The following EPM2A variants were observed in gnomAD, a reference collection of about 807,000 sequenced individuals.
EPM2A encodes the protein laforin.
A neutral mutation model predicts 26.5 loss-of-function variants in EPM2A; 21 were observed. The observed-to-expected ratio is 0.79, with a 90% confidence interval of 0.56 to 1.14. EPM2A has a LOEUF of 1.14. EPM2A is among the 50% of genes most tolerant of loss of function. The pLI is 0.00. For missense variants in EPM2A, 458 were observed against 440.8 expected, an observed-to-expected ratio of 1.04 and a Z score of -0.35; for synonymous variants, 217 against 177.6, an observed-to-expected ratio of 1.22 and a Z score of -1.76.
chr6:145,722,016 T>C (rs1001759338), intron 1 of EPM2A, among the ~76,000 whole-genome samples: 1 of 152,178 alleles, frequency 6.6e-6, no homozygotes, highest in Non-Finnish European at 1.5e-5. Context: ...GGAACATGAA[T>C]AAATCATCTA....
At chr6:145,401,754 C>A (rs1283612626) in intron 4 of EPM2A, among the ~76,000 whole-genome samples, 5 of 152,018 alleles carry the variant, frequency 3.3e-5, no homozygotes, top group African/African-American at 1.2e-4. Flanking sequence ...CTTTTTGTGA[C>A]AGAAGGTAAG....
intron 2 of EPM2A, among the ~76,000 whole-genome samples, chr6:145,676,137 C>A (rs1218776533): frequency 2.0e-5 from 3 of 152,170 alleles, no homozygotes; most frequent in Non-Finnish European, 2.9e-5. Context: ...CAAAACCACA[C>A]AACTACATGG....
chr6:145,601,216 G>A (rs553317175), intron 2 of EPM2A, among the ~76,000 whole-genome samples: 1 of 152,202 alleles, frequency 6.6e-6, no homozygotes, highest in East Asian at 1.9e-4. Flanking sequence ...ATAATATAAG[G>A]TATAACCTTT....
rs189192173 is a variant in EPM2A at position 145,513,856 on chromosome 6, A to C, written c.341-11281T>G. The stretch of plus-strand genomic sequence containing the variant: ...ACTCTCTAATGACCTTACTGGATTA[A>C]TTAGAATAGGATGGTCTGTGCTGCA... On this transcript the variant is annotated intron_variant, in intron 2 of 3. Coordinates refer to the EPM2A transcript ENST00000450221. 6.6e-5 allele frequency among the ~76,000 whole-genome samples: 10 copies of C among 152,330 alleles called. No homozygotes were observed. The East Asian group carries it at 1.9e-3, about 29-fold the overall frequency.
At chr6:145,485,754 A>T (rs1263373002) in intron 4 of EPM2A, among the ~76,000 whole-genome samples, 4 of 152,182 alleles carry the variant, frequency 2.6e-5, no homozygotes. Flanking sequence ...TAATTTATAG[A>T]GAAAAAGAGG....
At chr6:145,641,779 G>A (rs1043744650) in intron 2 of EPM2A, among the ~76,000 whole-genome samples, 1 of 151,962 alleles carries the variant, frequency 6.6e-6, no homozygotes, top group Non-Finnish European at 1.5e-5. Context: ...TATCACCTGC[G>A]CACCTCTCAC....
chr6:145,725,830 T>C (rs1483996906), intron 1 of EPM2A, among the ~76,000 whole-genome samples: 1 of 152,076 alleles, frequency 6.6e-6, no homozygotes, highest in Non-Finnish European at 1.5e-5. Flanking sequence ...GAAATGAGAC[T>C]ATCATAATGA....
intron 2 of EPM2A, among the ~76,000 whole-genome samples, chr6:145,605,689 C>G (rs1162516577): frequency 6.6e-6 from 1 of 151,908 alleles, no homozygotes. Context: ...TTTCCAGATA[C>G]AAAAAAGGAA....
chr6:145,616,498 T>TG (rs1775515772), intron 2 of EPM2A, among the ~76,000 whole-genome samples: 1 of 152,208 alleles, frequency 6.6e-6, no homozygotes, highest in African/African-American at 2.4e-5. Flanking sequence ...GAGTCCCTAC[T>TG]GGGGCACTGC....
chr6:145,596,686 AC>A (rs1293442670), intron 2 of EPM2A, among the ~76,000 whole-genome samples: 4 of 151,758 alleles, frequency 2.6e-5, no homozygotes, highest in Non-Finnish European at 5.9e-5. Flanking sequence ...TTTTGTAAAA[AC>A]ATCTCTCCAT....
chr6:145,519,011 T>G (rs747728653), intron 2 of EPM2A, among the ~76,000 whole-genome samples: 2 of 152,200 alleles, frequency 1.3e-5, no homozygotes, highest in African/African-American at 2.4e-5. Flanking sequence ...GTTCCAAATC[T>G]CCCACACTCT....
chr6:145,413,226 G>A (rs1341298411), intron 4 of EPM2A, among the ~76,000 whole-genome samples: 2 of 152,186 alleles, frequency 1.3e-5, no homozygotes, highest in African/African-American at 2.4e-5. Flanking sequence ...CTTGAAAGTC[G>A]TGGAGAAACT....
intron 2 of EPM2A, among the ~76,000 whole-genome samples, chr6:145,539,712 A>G (rs1191123853): frequency 6.6e-6 from 1 of 152,214 alleles, no homozygotes; most frequent in Non-Finnish European, 1.5e-5. Flanking sequence ...GTCAAACTTA[A>G]TTGTATTAAC....
intron 2 of EPM2A, among the ~76,000 whole-genome samples, chr6:145,536,217 T>C (rs1482667118): frequency 4.6e-5 from 7 of 152,144 alleles, no homozygotes; most frequent in Non-Finnish European, 1.0e-4. Context: ...AGAAGTTTGA[T>C]AGTTTGATTG....
chr6:145,634,845 A>G (rs1210754330), intron 3 of EPM2A, among the ~76,000 whole-genome samples: 1 of 152,188 alleles, frequency 6.6e-6, no homozygotes, highest in Non-Finnish European at 1.5e-5. Flanking sequence ...ATAATCTCAT[A>G]GCAATATCTA....
intron 2 of EPM2A, among the ~76,000 whole-genome samples, chr6:145,662,378 T>C (rs1778783603): frequency 6.6e-6 from 1 of 152,234 alleles, no homozygotes; most frequent in Non-Finnish European, 1.5e-5. Context: ...TGATTGATCA[T>C]TAATTTTAGC....
intron 2 of EPM2A, among the ~76,000 whole-genome samples, chr6:145,536,400 A>G (rs2114789226): frequency 6.6e-6 from 1 of 152,204 alleles, no homozygotes; most frequent in South Asian, 2.1e-4. Flanking sequence ...GGTTGAAGCA[A>G]GTCTCCTGCC....
intron 4 of EPM2A, among the ~76,000 whole-genome samples, chr6:145,442,087 C>T (rs1779071550): frequency 6.6e-6 from 1 of 152,148 alleles, no homozygotes; most frequent in Non-Finnish European, 1.5e-5. Context: ...ACAAGTTCCT[C>T]ATCTCCATCT....
intron 2 of EPM2A, among the ~76,000 whole-genome samples, chr6:145,548,997 G>A (rs942257338): frequency 8.5e-5 from 13 of 152,074 alleles, no homozygotes; most frequent in Non-Finnish European, 1.9e-4. Flanking sequence ...TATGTACCCT[G>A]TAAATTTACA....
Sources: gnomAD v4.1 joint callset for allele counts (sites outside exome capture counted in the v4.1 genomes callset) on GRCh38, gnomAD v4.1.1 for gene constraint, MANE v1.5 for transcripts, NCBI Gene and HGNC (gene_info 2026-07-23, HGNC 2026-07-21) for gene names.